SLC7A2: variants seen among roughly 807,000 people sequenced by gnomAD.
SLC7A2 encodes the protein cationic amino acid transporter 2.
SLC7A2 carries 48 observed loss-of-function variants against 58.9 expected under a neutral mutation model. The ratio of observed to expected loss-of-function variants is 0.82; its 90% confidence interval spans 0.65 to 1.04. SLC7A2 has a LOEUF of 1.04. SLC7A2 is among the 50% of genes least tolerant of loss of function. SLC7A2 has a pLI of 0.00. For synonymous variants in SLC7A2, 363 were observed against 314.5 expected, an observed-to-expected ratio of 1.15 and a Z score of -1.63; for missense variants, 1,029 against 818.8, an observed-to-expected ratio of 1.26 and a Z score of -3.13.
intron 8 of SLC7A2, chr8:17,554,957 C>T (rs1298609627): frequency 6.2e-7 from 1 of 1,613,824 alleles, no homozygotes; most frequent in Admixed American, 1.7e-5. Context: ...CTTCTGGGCT[C>T]TATGTTTCCT....
chr8:17,546,063 G>GT (rs1802158900), intron 4 of SLC7A2, among the ~76,000 whole-genome samples: 1 of 152,146 alleles, frequency 6.6e-6, no homozygotes, highest in Non-Finnish European at 1.5e-5. Flanking sequence ...TGCACCAATT[G>GT]TTTTTCAACA....
At chr8:17,506,313 A>G (rs1048699847) in intron 2 of SLC7A2, among the ~76,000 whole-genome samples, 1 of 152,144 alleles carries the variant, frequency 6.6e-6, no homozygotes, top group Non-Finnish European at 1.5e-5. Flanking sequence ...AAAAATCACT[A>G]TTTTCTTTAA....
chr8:17,528,126 G>C (rs1457157908), intron 2 of SLC7A2, among the ~76,000 whole-genome samples: 1 of 152,058 alleles, frequency 6.6e-6, no homozygotes, highest in African/African-American at 2.4e-5. Context: ...AAGGAGCCCA[G>C]GGCAGCTCAA....
At chr8:17,553,385 A>G (rs993888402) in intron 7 of SLC7A2, among the ~76,000 whole-genome samples, 1 of 152,136 alleles carries the variant, frequency 6.6e-6, no homozygotes, top group South Asian at 2.1e-4. Flanking sequence ...AAGTAATTTC[A>G]AAAGTCTGAA....
At chr8:17,502,820 C>G (rs551134846) in intron 2 of SLC7A2, among the ~76,000 whole-genome samples, 1 of 152,016 alleles carries the variant, frequency 6.6e-6, no homozygotes, top group Non-Finnish European at 1.5e-5. Flanking sequence ...TAATTCTTCA[C>G]GGCACACTGC....
At chr8:17,546,696 C>T (rs1480942637) in intron 4 of SLC7A2, among the ~76,000 whole-genome samples, 2 of 152,082 alleles carry the variant, frequency 1.3e-5, no homozygotes, top group Non-Finnish European at 2.9e-5. Flanking sequence ...CTAGGAATTA[C>T]ACAGGTAGAA....
intron 2 of SLC7A2, among the ~76,000 whole-genome samples, chr8:17,530,507 G>GAAAC (rs1801404706): frequency 1.3e-5 from 2 of 152,106 alleles, no homozygotes; most frequent in African/African-American, 4.8e-5. Flanking sequence ...GGATGGTTTG[G>GAAAC]AAACCCAGGC....
intron 2 of SLC7A2, among the ~76,000 whole-genome samples, chr8:17,515,076 T>G (rs755079974): frequency 6.6e-6 from 1 of 152,180 alleles, no homozygotes; most frequent in Non-Finnish European, 1.5e-5. Flanking sequence ...GGAGGGACTT[T>G]ATAGTTGCTA....
chr8:17,548,775 T>C lies in SLC7A2; in HGVS notation c.630T>C (p.Phe210=), dbSNP rs1249791617. 2 of 1,614,012 alleles carry C rather than the reference T, an allele frequency of 1.2e-6. No individual in the cohort carries two copies. The highest frequency in any genetic ancestry group is 4.5e-5 in the East Asian group (2 of 44,854). ...LVLLFVMVAG[F]VKGNVANWKI... ...TTCTGTTTGTGATGGTTGCTGGGTTTGTGAAAGGAAATGTGGCAAACTGGA... is the reference window on the plus strand; with the variant it reads ...TTCTGTTTGTGATGGTTGCTGGGTTCGTGAAAGGAAATGTGGCAAACTGGA... The change falls in exon 5 of 13, where the codon TTT becomes TTC. Residue 210 remains phenylalanine (F), a synonymous_variant. Coordinates refer to ENST00000494857, the MANE Select transcript of SLC7A2 (RefSeq NM_001370338.1).
At chr8:17,528,844 G>C (rs1801324319) in intron 2 of SLC7A2, among the ~76,000 whole-genome samples, 1 of 152,090 alleles carries the variant, frequency 6.6e-6, no homozygotes, top group African/African-American at 2.4e-5. Flanking sequence ...AGAGTTATAG[G>C]AGGAGAGCTC....
chr8:17,565,027 G>T lies in SLC7A2; in HGVS notation c.1858G>T (p.Ala620Ser). Residue 620 changes from alanine (A) to serine (S), a missense_variant, in exon 13 of 13, where the codon GCT becomes TCT. Ala to Ser is a moderately conservative substitution (Grantham distance 99). Transcript: ENST00000494857. ...HLRDENNEED[A>S]YPDNVHAAAE... The stretch of plus-strand genomic sequence containing the variant: ...GAGAGATGAAAACAATGAAGAAGAT[G>T]CTTATCCAGACAACGTTCATGCAGC... The T allele has an allele frequency of 6.2e-7, 1 of 1,613,832 alleles. No individual in the cohort carries two copies. Among genetic ancestry groups the T allele is most frequent in the Non-Finnish European group, 8.5e-7 (1 of 1,179,902 alleles).
At chr8:17,496,410 A>C (rs2150627001), upstream of SLC7A2, among the ~76,000 whole-genome samples, 1 of 152,312 alleles carries the variant, frequency 6.6e-6, no homozygotes, top group East Asian at 1.9e-4. Flanking sequence ...TTTTGGATGA[A>C]AATTAACAGG....
intron 2 of SLC7A2, among the ~76,000 whole-genome samples, chr8:17,504,615 C>T (rs1800292716): frequency 6.6e-6 from 1 of 152,160 alleles, no homozygotes; most frequent in Non-Finnish European, 1.5e-5. Flanking sequence ...TACTCTTCTA[C>T]CACATCGTCT....
chr8:17,547,827 C>G (rs2015840), intron 4 of SLC7A2, among the ~76,000 whole-genome samples: 3 of 140,826 alleles, frequency 2.1e-5, no homozygotes, highest in Non-Finnish European at 4.7e-5. Flanking sequence ...TGTGTGTTTA[C>G]AAAATTTGGG....
chr8:17,550,260 C>G (rs770461896), intron 5 of SLC7A2, 41 bp from the exon 6 acceptor site: 6 of 1,598,422 alleles, frequency 3.8e-6, no homozygotes, highest in South Asian at 2.3e-5. Flanking sequence ...GGAGAGTTTT[C>G]TGTCAAAGTG....
At chr8:17,499,361 C>T (rs1226771721) in intron 1 of SLC7A2, 1 of 148,984 alleles carries the variant, frequency 6.7e-6, no homozygotes, top group Admixed American at 6.7e-5. Flanking sequence ...CTCTCTCCCC[C>T]TCTCTCCCTC....
At chr8:17,496,890 G>A (rs183055781), upstream of SLC7A2, among the ~76,000 whole-genome samples, 6 of 151,830 alleles carry the variant, frequency 4.0e-5, no homozygotes, top group Non-Finnish European at 7.4e-5. Context: ...GCCCGCCCAC[G>A]TGTGCTCGGC....
intron 2 of SLC7A2, among the ~76,000 whole-genome samples, chr8:17,543,036 A>G (rs1053884437): frequency 6.6e-6 from 1 of 152,184 alleles, no homozygotes; most frequent in African/African-American, 2.4e-5. Context: ...CAAGGCTGCT[A>G]TATTCCTTTG....
At chr8:17,522,004 G>A (rs1801033779) in intron 2 of SLC7A2, among the ~76,000 whole-genome samples, 1 of 152,178 alleles carries the variant, frequency 6.6e-6, no homozygotes, top group Non-Finnish European at 1.5e-5. Context: ...GTGGCTGCCT[G>A]GCAACAGAGC....
Sources: gnomAD v4.1 joint callset for allele counts (sites outside exome capture counted in the v4.1 genomes callset) on GRCh38, gnomAD v4.1.1 for gene constraint, MANE v1.5 for transcripts, NCBI Gene and HGNC (gene_info 2026-07-23, HGNC 2026-07-21) for gene names.